The following CSMD1 variants were observed in gnomAD, a reference collection of about 807,000 sequenced individuals.
The protein encoded by CSMD1 is CUB and sushi domain-containing protein 1.
CSMD1 carries 213 observed loss-of-function variants against 417.5 expected under a neutral mutation model. That is an observed-to-expected ratio of 0.51 (90% CI 0.46 to 0.57). The LOEUF (loss-of-function observed/expected upper bound fraction) is 0.57, where lower values mean the gene tolerates loss of function less well. CSMD1 is among the 20% of genes least tolerant of loss of function. CSMD1 has a pLI of 0.00. For synonymous variants in CSMD1, 2,862 were observed against 1,736.8 expected (o/e 1.65, Z -16.11); for missense variants, 6,923 against 4,529.7 (o/e 1.53, Z -15.17).
intron 10 of CSMD1, among the ~76,000 whole-genome samples, chr8:3,532,465 T>C (rs562721696): frequency 6.6e-6 from 1 of 152,268 alleles, no homozygotes; most frequent in African/African-American, 2.4e-5. Flanking sequence ...GTGTCTGACA[T>C]TTCCTTGCCT....
rs186507584 is a variant in CSMD1 at position 3,612,600 on chromosome 8, A to C, written c.1097+4110T>G. ...CATTTTTTAAAGTTCAGATCCTTTA[A>C]AGCATAATCTCTAACCATGCAGATT... On this transcript the variant is annotated intron_variant, in intron 8 of 69. Coordinates refer to ENST00000635120, the MANE Select transcript of CSMD1 (RefSeq NM_033225.6). Among the ~76,000 whole-genome samples, 28 of 152,288 alleles carry C rather than the reference A, an allele frequency of 1.8e-4. No homozygotes were observed. In the East Asian group the frequency reaches 5.4e-3, roughly 29 times the overall value.
chr8:3,857,385 G>T lies in CSMD1; in HGVS notation c.819-103343C>A, dbSNP rs369005631. Reference sequence around the variant, plus strand: ...AAGCTCCTAAGATTTAAAGAGATTGGCCTATATTTGGAATAACAAGTGAAA... The same window carrying T: ...AAGCTCCTAAGATTTAAAGAGATTGTCCTATATTTGGAATAACAAGTGAAA... On this transcript the variant is annotated intron_variant, in intron 5 of 69. Transcript: ENST00000635120. Among the ~76,000 whole-genome samples, 8 of 152,260 alleles carry T rather than the reference G, an allele frequency of 5.3e-5. No individual in the cohort carries two copies. The South Asian group carries it at 1.7e-3, about 32-fold the overall frequency.
chr8:3,356,325 G>C (rs899797856), intron 21 of CSMD1, among the ~76,000 whole-genome samples: 7 of 152,180 alleles, frequency 4.6e-5, no homozygotes, highest in African/African-American at 1.4e-4. Context: ...ACAGAACTTA[G>C]GGATGAGGCA....
chr8:4,130,645 G>A (rs901755443), intron 3 of CSMD1, among the ~76,000 whole-genome samples: 2 of 152,078 alleles, frequency 1.3e-5, no homozygotes, highest in Non-Finnish European at 1.5e-5. Context: ...GTGAACTTGT[G>A]ACTTTGAAGT....
rs185176267 is a variant in CSMD1 at position 3,230,590 on chromosome 8, T to C, written c.4154-359A>G. Reference sequence around the variant, plus strand: ...ATGAAACCCCATACTGCAAATTACATAAACTAGTTAAAGTACACCAACCTC... The same window carrying C: ...ATGAAACCCCATACTGCAAATTACACAAACTAGTTAAAGTACACCAACCTC... On this transcript the variant is annotated intron_variant, in intron 26 of 69. Coordinates refer to ENST00000635120, the MANE Select transcript of CSMD1 (RefSeq NM_033225.6). Among the ~76,000 whole-genome samples, 304 of 152,212 alleles carry C rather than the reference T, an allele frequency of 2.0e-3. 1 individual carries two copies. The highest frequency in any genetic ancestry group is 6.9e-3 in the African/African-American group (286 of 41,542).
chr8:4,984,302 C>G (rs1290379873), intron 1 of CSMD1, among the ~76,000 whole-genome samples: 5 of 152,288 alleles, frequency 3.3e-5, no homozygotes, highest in African/African-American at 9.6e-5. Flanking sequence ...GACCCCTTGG[C>G]TGCATGAGAG....
At position 3,408,141 on chromosome 8, in the gene CSMD1, C is replaced by A; in HGVS notation, c.1829G>T (p.Cys610Phe). Residue 610 changes from cysteine to phenylalanine, a missense_variant, in exon 14 of 70, where the codon TGT (cysteine) becomes TTT (phenylalanine). Cys to Phe is a radical substitution (Grantham distance 205). Transcript: ENST00000635120. Reference sequence around the variant, plus strand: ...TGGCTCCGAGATAATCAACCAGACACAGTTCATGTTGTTCCCATATTCCTC... The same window carrying A: ...TGGCTCCGAGATAATCAACCAGACAAAGTTCATGTTGTTCCCATATTCCTC... ...YPEEYGNNMN[C>F]VWLIISEPGS... 1 of 1,613,492 alleles carries A rather than the reference C, an allele frequency of 6.2e-7. No homozygotes were observed. The highest frequency in any genetic ancestry group is 8.5e-7 in the Non-Finnish European group (1 of 1,179,592).
intron 5 of CSMD1, among the ~76,000 whole-genome samples, chr8:3,821,406 C>T (rs561774679): frequency 4.1e-4 from 63 of 152,304 alleles, no homozygotes; most frequent in African/African-American, 1.1e-3. Flanking sequence ...CACACACACG[C>T]GCATGTGGAT....
intron 28 of CSMD1, 65 bp from the exon 29 acceptor site, chr8:3,219,507 C>T (rs551582571): frequency 5.2e-6 from 6 of 1,158,768 alleles, no homozygotes; most frequent in African/African-American, 3.2e-5. Context: ...GAGTGGTAAG[C>T]CTTTGAGCTC....
At chr8:3,914,192 C>G (rs1250778483) in intron 5 of CSMD1, among the ~76,000 whole-genome samples, 1 of 151,908 alleles carries the variant, frequency 6.6e-6, no homozygotes, top group African/African-American at 2.4e-5. Flanking sequence ...TTTTAACCCC[C>G]AAAAAGAGGT....
intron 2 of CSMD1, among the ~76,000 whole-genome samples, chr8:4,487,345 G>A (rs1209379819): frequency 1.3e-5 from 2 of 152,098 alleles, no homozygotes; most frequent in African/African-American, 4.8e-5. Flanking sequence ...TCCCCAGAGT[G>A]TGATGTTCCC....
intron 26 of CSMD1, among the ~76,000 whole-genome samples, chr8:3,241,052 C>T (rs1374003915): frequency 4.7e-4 from 70 of 148,578 alleles, no homozygotes; most frequent in Middle Eastern, 3.5e-3. Flanking sequence ...GTATCTCATA[C>T]TTGTGGGTTA....
chr8:3,952,416 G>C (rs767050922), intron 5 of CSMD1, among the ~76,000 whole-genome samples: 3 of 152,164 alleles, frequency 2.0e-5, no homozygotes, highest in Non-Finnish European at 2.9e-5. Context: ...TATGTATGTT[G>C]ATATGTAAAG....
intron 1 of CSMD1, among the ~76,000 whole-genome samples, chr8:4,702,057 A>G (rs929468188): frequency 6.6e-6 from 1 of 152,166 alleles, no homozygotes; most frequent in Non-Finnish European, 1.5e-5. Flanking sequence ...GAGCTGAACA[A>G]TGAGAACACA....
At chr8:3,532,991 C>T (rs1311763965) in intron 10 of CSMD1, among the ~76,000 whole-genome samples, 1 of 152,144 alleles carries the variant, frequency 6.6e-6, no homozygotes, top group African/African-American at 2.4e-5. Flanking sequence ...TATACATTCC[C>T]TTCTACTCAT....
At chr8:3,880,252 C>T (rs1647872095) in intron 5 of CSMD1, among the ~76,000 whole-genome samples, 1 of 152,156 alleles carries the variant, frequency 6.6e-6, no homozygotes, top group African/African-American at 2.4e-5. Context: ...CTTCTCTTAA[C>T]ATTCATGAGA....
intron 25 of CSMD1, among the ~76,000 whole-genome samples, chr8:3,304,776 C>A (rs1340988090): frequency 6.6e-6 from 1 of 151,308 alleles, no homozygotes. Context: ...TTAGATTCAC[C>A]TGTAAAGAGT....
intron 3 of CSMD1, among the ~76,000 whole-genome samples, chr8:4,068,578 G>A (rs1035097013): frequency 6.6e-6 from 1 of 152,288 alleles, no homozygotes; most frequent in South Asian, 2.1e-4. Flanking sequence ...CTTCTCAAAT[G>A]AGGTGTTTGT....
chr8:3,517,527 A>C (rs1284243177), intron 10 of CSMD1, among the ~76,000 whole-genome samples: 1 of 152,226 alleles, frequency 6.6e-6, no homozygotes, highest in Non-Finnish European at 1.5e-5. Context: ...CCAATGTCAC[A>C]CAAGTCCCTG....
Sources: allele counts gnomAD v4.1 joint callset (sites outside exome capture counted in the v4.1 genomes callset), GRCh38; gene constraint gnomAD v4.1.1; transcripts MANE v1.5; gene names NCBI Gene and HGNC (gene_info 2026-07-23, HGNC 2026-07-21).